MYCBP2: variants seen among roughly 807,000 people sequenced by gnomAD.
MYCBP2 encodes E3 ubiquitin-protein ligase MYCBP2.
In MYCBP2, 120 loss-of-function variants were observed where a neutral mutation model predicts 525.3. The observed-to-expected ratio is 0.23, with a 90% CI of 0.20 to 0.27. MYCBP2 has a LOEUF of 0.27. Among genes scored for constraint, MYCBP2 ranks in the 10% least tolerant of loss-of-function variants. The probability of loss-of-function intolerance (pLI) is 1.00; values close to 1 mark genes in which losing one functional copy is unlikely to be tolerated. For missense variants in MYCBP2, 4,149 were observed against 5,657.1 expected, an observed-to-expected ratio of 0.73 and a Z score of 8.55; for synonymous variants, 1,894 against 1,955.8, an observed-to-expected ratio of 0.97 and a Z score of 0.83.
intron 44 of MYCBP2, among the ~76,000 whole-genome samples, chr13:77,158,610 A>T (rs1038486116): frequency 2.0e-5 from 3 of 151,936 alleles, no homozygotes; most frequent in Admixed American, 6.6e-5. Flanking sequence ...TGGCTGGCTA[A>T]TTTTTTTTAA....
intron 73 of MYCBP2, among the ~76,000 whole-genome samples, chr13:77,063,300 G>A (rs188759987): frequency 2.0e-5 from 3 of 152,212 alleles, no homozygotes; most frequent in Non-Finnish European, 4.4e-5. Flanking sequence ...GCACATGCCT[G>A]TAATCCCAGC....
intron 8 of MYCBP2, among the ~76,000 whole-genome samples, chr13:77,266,243 A>G (rs1003825061): frequency 2.6e-5 from 4 of 152,174 alleles, no homozygotes; most frequent in African/African-American, 9.7e-5. Flanking sequence ...TTTTTCTTCT[A>G]TGTCATTATC....
In MYCBP2 at chr13:77,055,657, C is replaced by T. The variant is rs2037807907; in HGVS notation, c.13548G>A (p.Lys4516=). The T allele has an allele frequency of 6.2e-7, 1 of 1,614,114 alleles. No homozygotes were observed. The highest frequency in any genetic ancestry group is 8.5e-7 in the Non-Finnish European group (1 of 1,179,996). ...LMRLEYEGLH[K]SEAITTPGVR... is the part of the protein sequence containing the mutation. ...CACCAGGAGTTGTGATAGCTTCACT[C>T]TTATGCAGACCTTCATATTCCAATC... Residue 4516 remains lysine (K), a synonymous_variant, in exon 80 of 83, where the codon AAG becomes AAA. Coordinates refer to ENST00000544440, the MANE Select transcript of MYCBP2 (RefSeq NM_015057.5).
chr13:77,115,228 C>T (rs1049499608), intron 55 of MYCBP2, among the ~76,000 whole-genome samples: 1 of 151,682 alleles, frequency 6.6e-6, no homozygotes, highest in Non-Finnish European at 1.5e-5. Context: ...ATGAAGCTTT[C>T]AAGAGAAATG....
chr13:77,111,354 A>G (rs2048788317), intron 55 of MYCBP2, among the ~76,000 whole-genome samples: 1 of 151,848 alleles, frequency 6.6e-6, no homozygotes, highest in Non-Finnish European at 1.5e-5. Context: ...TTGGTACTAG[A>G]TAAGATATTA....
In MYCBP2 at chr13:77,270,190, C is replaced by T. The variant is rs1322327057; in HGVS notation, c.1188+106G>A. 5.6e-6 allele frequency: 8 copies of T among 1,427,672 alleles called. No homozygotes were observed. In the African/African-American group the frequency reaches 1.2e-4, roughly 21 times the overall value. 88.4% of individuals were successfully genotyped at this position (1,427,672 alleles called of 1,614,324 possible). A position where few individuals can be genotyped will look rare whatever the true frequency, so the allele number is the denominator to read the frequency against. Reference sequence around the variant, plus strand: ...TATGGTTTTCAAATAAATATTATTACACTAAAATTAGATCATATTCTAGAA... The same window carrying T: ...TATGGTTTTCAAATAAATATTATTATACTAAAATTAGATCATATTCTAGAA... On this transcript the variant is annotated intron_variant, in intron 6 of 82. Transcript: ENST00000544440.
At position 77,288,136 on chromosome 13, in the gene MYCBP2, A is replaced by G. The variant is rs112537738; in HGVS notation, c.594+25T>C. 10,476 of 1,609,430 alleles carry G rather than the reference A, an allele frequency of 6.5e-3. 44 individuals carry two copies. Among genetic ancestry groups the G allele is most frequent in the Non-Finnish European group, 7.5e-3 (8,882 of 1,177,142 alleles). On this transcript the variant is annotated intron_variant, in intron 3 of 82. Transcript: ENST00000544440. ...GAACACCTGCAGGTTACACATCTAAATATTAATAGAACTCAGTGGCTTACC... is the reference window on the plus strand; with the variant it reads ...GAACACCTGCAGGTTACACATCTAAGTATTAATAGAACTCAGTGGCTTACC...
intron 27 of MYCBP2, 52 bp from the exon 28 acceptor site, chr13:77,191,865 A>G (rs771034979): frequency 1.3e-6 from 2 of 1,560,796 alleles, no homozygotes; most frequent in Non-Finnish European, 1.8e-6. Flanking sequence ...TCTCTGTCAC[A>G]TATATTTATT....
chr13:77,046,314 A>G (rs903827137), intron 82 of MYCBP2, among the ~76,000 whole-genome samples: 1 of 152,208 alleles, frequency 6.6e-6, no homozygotes, highest in African/African-American at 2.4e-5. Flanking sequence ...CAGAGTCCCT[A>G]TTTAATAGTA....
At chr13:77,182,980 A>G (rs1296814517) in intron 32 of MYCBP2, among the ~76,000 whole-genome samples, 1 of 152,194 alleles carries the variant, frequency 6.6e-6, no homozygotes, top group Admixed American at 6.5e-5. Context: ...AGTAACTGCT[A>G]GTTTCATCAA....
intron 61 of MYCBP2, among the ~76,000 whole-genome samples, chr13:77,088,212 T>C (rs1049826815): frequency 3.9e-5 from 6 of 152,144 alleles, no homozygotes; most frequent in African/African-American, 1.4e-4. Flanking sequence ...TTTTTTCAAA[T>C]CACATTTTAC....
chr13:77,314,162 C>A (rs1344461362), intron 1 of MYCBP2, among the ~76,000 whole-genome samples: 1 of 152,138 alleles, frequency 6.6e-6, no homozygotes, highest in Non-Finnish European at 1.5e-5. Context: ...TGGTATTAAC[C>A]CAAAGGAGCT....
chr13:77,299,853 A>T (rs1000051751), intron 1 of MYCBP2, among the ~76,000 whole-genome samples: 1 of 152,216 alleles, frequency 6.6e-6, no homozygotes, highest in Non-Finnish European at 1.5e-5. Context: ...GGAAAAGGCT[A>T]TTAACATGCC....
Position 77,072,753 on chromosome 13 carries a change from A to C in MYCBP2, c.11824-2042T>G, listed in dbSNP as rs920018999. 2.0e-5 allele frequency among the ~76,000 whole-genome samples: 3 copies of C among 152,294 alleles called. No individual in the cohort carries two copies. The East Asian group carries it at 5.8e-4, about 29-fold the overall frequency. ...ATATTATGAACAACTTATGGCAATA[A>C]ATCCAGAAACTTAGATGAAATGGAC... is the stretch of plus-strand genomic sequence containing the variant. On this transcript the variant is annotated intron_variant, in intron 68 of 82. Coordinates refer to ENST00000544440, the MANE Select transcript of MYCBP2 (RefSeq NM_015057.5).
chr13:77,211,182 T>A lies in MYCBP2; in HGVS notation c.3401A>T (p.Tyr1134Phe). The A allele has an allele frequency of 6.7e-7, 1 of 1,482,366 alleles. No individual in the cohort carries two copies. The highest frequency in any genetic ancestry group is 9.0e-7 in the Non-Finnish European group (1 of 1,114,340). 91.8% of individuals were successfully genotyped at this position (1,482,366 alleles called of 1,614,324 possible). A position where few individuals can be genotyped will look rare whatever the true frequency, so the allele number is the denominator to read the frequency against. ...QGFGVCLDPV[Y>F]DVIWRFRPNT... ...AGATGCTTACCTCCAAATTACATCATATACAGGATCAAGACACACACCAAA... is the reference window on the plus strand; with the variant it reads ...AGATGCTTACCTCCAAATTACATCAAATACAGGATCAAGACACACACCAAA... Residue 1134 changes from tyrosine to phenylalanine, a missense_variant, in exon 23 of 83, where the codon TAT becomes TTT. Transcript: ENST00000544440.
At chr13:77,120,851 T>C (rs934851557) in intron 55 of MYCBP2, among the ~76,000 whole-genome samples, 13 of 152,218 alleles carry the variant, frequency 8.5e-5, no homozygotes, top group Admixed American at 6.5e-5. Flanking sequence ...GGTTTTATTA[T>C]AGATATTAAA....
At chr13:77,208,986 A>G (rs1480958149) in intron 23 of MYCBP2, among the ~76,000 whole-genome samples, 1 of 152,204 alleles carries the variant, frequency 6.6e-6, no homozygotes, top group African/African-American at 2.4e-5. Flanking sequence ...TTGGATGTGC[A>G]ATGCATATGA....
intron 41 of MYCBP2, among the ~76,000 whole-genome samples, chr13:77,165,784 CA>C (rs2058458039): frequency 6.6e-6 from 1 of 152,080 alleles, no homozygotes; most frequent in Non-Finnish European, 1.5e-5. Context: ...AACAAACAAA[CA>C]AATAGGCAGG....
chr13:77,254,175 G>C (rs1043637125), intron 14 of MYCBP2, among the ~76,000 whole-genome samples: 26 of 151,660 alleles, frequency 1.7e-4, no homozygotes, highest in African/African-American at 5.8e-4. Context: ...ACATAAAACA[G>C]TAGTATATTT....
Sources: allele counts gnomAD v4.1 joint callset (sites outside exome capture counted in the v4.1 genomes callset), GRCh38; gene constraint gnomAD v4.1.1; transcripts MANE v1.5; gene names NCBI Gene and HGNC (gene_info 2026-07-23, HGNC 2026-07-21).